The following ATG14 variants were observed in gnomAD, a reference collection of about 807,000 sequenced individuals.
ATG14 encodes beclin 1-associated autophagy-related key regulator.
Under a neutral mutation model 60.4 loss-of-function variants are expected in ATG14, and 35 were observed. The ratio of observed to expected loss-of-function variants is 0.58; its 90% confidence interval spans 0.44 to 0.77. The LOEUF is 0.77. Among genes scored for constraint, ATG14 ranks in the 30% least tolerant of loss-of-function variants. ATG14 has a pLI of 0.00. For synonymous variants in ATG14, 234 were observed against 228.8 expected (o/e 1.02, Z -0.21); for missense variants, 647 against 626.3 (o/e 1.03, Z -0.35).
intron 9 of ATG14, among the ~76,000 whole-genome samples, chr14:55,373,728 G>A (rs569863075): frequency 1.3e-5 from 2 of 151,868 alleles, no homozygotes; most frequent in East Asian, 1.9e-4. Context: ...CAAAGTGCTG[G>A]GATTACAGGT....
intron 3 of ATG14, among the ~76,000 whole-genome samples, chr14:55,394,224 C>T (rs1371954800): frequency 3.3e-5 from 5 of 151,458 alleles, no homozygotes; most frequent in South Asian, 2.1e-4. Context: ...TCAGGCTGGT[C>T]TCGAACTCCT....
intron 9 of ATG14, among the ~76,000 whole-genome samples, chr14:55,375,208 A>G (rs1342000915): frequency 6.6e-6 from 1 of 152,254 alleles, no homozygotes; most frequent in African/African-American, 2.4e-5. Context: ...CATATATTTT[A>G]TTAAGATCAC....
chr14:55,400,957 A>C (rs915364610), intron 1 of ATG14, among the ~76,000 whole-genome samples: 2 of 145,118 alleles, frequency 1.4e-5, no homozygotes, highest in Non-Finnish European at 3.1e-5. Context: ...ATAAAATAAA[A>C]TAAACTGCTT....
At chr14:55,377,416 G>C (rs1470841299) in intron 9 of ATG14, among the ~76,000 whole-genome samples, 1 of 152,056 alleles carries the variant, frequency 6.6e-6, no homozygotes, top group Non-Finnish European at 1.5e-5. Context: ...AAAATGTGCA[G>C]GAAACAGGGC....
chr14:55,397,097 G>A (rs987438988), intron 2 of ATG14, among the ~76,000 whole-genome samples: 3 of 152,200 alleles, frequency 2.0e-5, no homozygotes, highest in African/African-American at 7.2e-5. Flanking sequence ...CATGCTGACT[G>A]TCCTGGACCC....
At position 55,369,594 on chromosome 14, in the gene ATG14, T is replaced by C; in HGVS notation, c.*25A>G. On this transcript the variant is annotated 3_prime_UTR_variant, in exon 10 of 10. Transcript: ENST00000247178. ...GGGAGAAGAACTTTCTTGATGCAGA[T>C]TTGGTATGTTTTGGTCCATGCTCGT... 1 of 1,464,370 alleles carries C rather than the reference T, an allele frequency of 6.8e-7. No homozygotes were observed. The highest frequency in any genetic ancestry group is 9.1e-7 in the Non-Finnish European group (1 of 1,102,050). 90.7% of individuals were successfully genotyped at this position (1,464,370 alleles called of 1,614,324 possible).
intron 4 of ATG14, among the ~76,000 whole-genome samples, chr14:55,387,542 A>C (rs1885145774): frequency 6.6e-6 from 1 of 152,126 alleles, no homozygotes; most frequent in Non-Finnish European, 1.5e-5. Flanking sequence ...GTCCCACTGA[A>C]GCCTTGCTGT....
rs1386503400 is a variant in ATG14 at position 55,369,563 on chromosome 14, T to C, written c.*56A>G. On this transcript the variant is annotated 3_prime_UTR_variant, in exon 10 of 10. Transcript: ENST00000247178. ...CTTAAACAGAAAATGTTTACTAGAGTGTAGTGGGAGAAGAACTTTCTTGAT... is the reference window on the plus strand; with the variant it reads ...CTTAAACAGAAAATGTTTACTAGAGCGTAGTGGGAGAAGAACTTTCTTGAT... 7.3e-7 allele frequency: 1 copy of C among 1,377,886 alleles called. No homozygotes were observed. The highest frequency in any genetic ancestry group is 9.7e-7 in the Non-Finnish European group (1 of 1,028,716). 85.4% of individuals were successfully genotyped at this position (1,377,886 alleles called of 1,614,324 possible). A position where few individuals can be genotyped will look rare whatever the true frequency, so the allele number is the denominator to read the frequency against.
At chr14:55,405,652 G>A (rs758534965) in intron 1 of ATG14, among the ~76,000 whole-genome samples, 41 of 152,138 alleles carry the variant, frequency 2.7e-4, no homozygotes, top group Non-Finnish European at 5.6e-4. Flanking sequence ...CAACCTATCA[G>A]GTATCTACTG....
rs1302803471 is a variant in ATG14 at position 55,366,809 on chromosome 14, T to G, written c.*2810A>C. 6.6e-6 allele frequency: 1 copy of G among 152,670 alleles called. No homozygotes were observed. The highest frequency in any genetic ancestry group is 2.4e-5 in the African/African-American group (1 of 41,456). The allele number at this position is 152,670 out of a possible 1,614,324, so 9.5% of individuals were successfully genotyped here. ...TAAACAAAATACCAGCTTCAATTTT[T>G]TAAAAAGCTGTTTACATATGGTTCT... On this transcript the variant is annotated 3_prime_UTR_variant, in exon 10 of 10. Transcript: ENST00000247178.
At chr14:55,393,197 C>G (rs1033490890) in intron 3 of ATG14, among the ~76,000 whole-genome samples, 7 of 150,276 alleles carry the variant, frequency 4.7e-5, no homozygotes, top group African/African-American at 1.7e-4. Flanking sequence ...CTGGCTAACA[C>G]GGTGAAACCC....
intron 9 of ATG14, among the ~76,000 whole-genome samples, chr14:55,371,426 C>A (rs1335828330): frequency 6.6e-6 from 1 of 152,166 alleles, no homozygotes; most frequent in African/African-American, 2.4e-5. Flanking sequence ...CATTTATGCT[C>A]CAGGGACTGT....
chr14:55,385,367 A>T (rs933052387), intron 5 of ATG14, among the ~76,000 whole-genome samples: 2 of 152,150 alleles, frequency 1.3e-5, no homozygotes, highest in African/African-American at 4.8e-5. Flanking sequence ...ATCTTGGCTC[A>T]CTGCGACCTC....
intron 7 of ATG14, 39 bp downstream of exon 7, chr14:55,380,534 G>T (rs1310194363): frequency 7.7e-7 from 1 of 1,302,380 alleles, no homozygotes; most frequent in East Asian, 2.3e-5. Flanking sequence ...ACTTGAAAGA[G>T]CCATGATAAA....
chr14:55,393,200 T>C (rs561086409), intron 3 of ATG14, among the ~76,000 whole-genome samples: 129 of 149,028 alleles, frequency 8.7e-4, no homozygotes, highest in African/African-American at 3.0e-3. Flanking sequence ...GCTAACACGG[T>C]GAAACCCCGT....
chr14:55,370,932 C>T (rs1167059471), intron 9 of ATG14, among the ~76,000 whole-genome samples: 1 of 152,136 alleles, frequency 6.6e-6, no homozygotes, highest in Admixed American at 6.5e-5. Flanking sequence ...TGAGCCACCA[C>T]GCCCGGCCGC....
chr14:55,398,155 G>T (rs112804195), intron 1 of ATG14, among the ~76,000 whole-genome samples: 10 of 152,026 alleles, frequency 6.6e-5, no homozygotes, highest in Non-Finnish European at 1.3e-4. Flanking sequence ...GTTTCACTGT[G>T]TTAGCAAGGA....
At chr14:55,396,767 G>A (rs1885320473) in intron 2 of ATG14, among the ~76,000 whole-genome samples, 1 of 152,098 alleles carries the variant, frequency 6.6e-6, no homozygotes, top group Admixed American at 6.5e-5. Context: ...ATACCAGAAG[G>A]TTCTATAGGA....
intron 3 of ATG14, among the ~76,000 whole-genome samples, chr14:55,393,679 G>A (rs547324725): frequency 6.6e-6 from 1 of 151,766 alleles, no homozygotes; most frequent in South Asian, 2.1e-4. Flanking sequence ...CAAGTAGCTG[G>A]GACTACAGGT....
Sources: allele counts gnomAD v4.1 joint callset (sites outside exome capture counted in the v4.1 genomes callset), GRCh38; gene constraint gnomAD v4.1.1; transcripts MANE v1.5; gene names NCBI Gene and HGNC (gene_info 2026-07-23, HGNC 2026-07-21).